Variants in SREBF2 observed in about 807,000 individuals in gnomAD.
SREBF2 encodes the protein sterol regulatory element binding transcription factor 2.
In SREBF2, 55 loss-of-function variants were observed where a neutral mutation model predicts 113.1. The observed-to-expected ratio is 0.49, with a 90% confidence interval of 0.39 to 0.61. SREBF2 has a LOEUF of 0.61. Among genes scored for constraint, SREBF2 ranks in the 20% least tolerant of loss-of-function variants. SREBF2 has a pLI of 0.00. For synonymous variants in SREBF2, 593 were observed against 605.7 expected (o/e 0.98, Z 0.31); for missense variants, 1,349 against 1,487.4 (o/e 0.91, Z 1.53).
At chr22:41,901,127 G>A (rs1387471865) in intron 16 of SREBF2, 2 of 373,148 alleles carry the variant, frequency 5.4e-6, no homozygotes, top group Non-Finnish European at 1.1e-5. Context: ...AGCCATCCCA[G>A]GAAACAGGAG....
At chr22:41,899,402 C>G in intron 15 of SREBF2, 1 of 1,002,060 alleles carries the variant, frequency 1.0e-6, no homozygotes, top group African/African-American at 1.7e-5. Context: ...GCTGACTCCC[C>G]GGCTGTTTCT....
chr22:41,840,795 C>T (rs1048230158), intron 1 of SREBF2, among the ~76,000 whole-genome samples: 4 of 152,102 alleles, frequency 2.6e-5, no homozygotes, highest in Non-Finnish European at 4.4e-5. Flanking sequence ...GTGACTGGGC[C>T]GACAGTCACT....
chr22:41,838,700 T>A (rs2076801130), intron 1 of SREBF2, among the ~76,000 whole-genome samples: 1 of 152,024 alleles, frequency 6.6e-6, no homozygotes, highest in Admixed American at 6.6e-5. Context: ...GCCACTGTAC[T>A]CCAGCCTAGG....
rs2077501522 is a variant in SREBF2, at chr22:41,905,623, TTAA to T, written c.3390_3392del (p.Lys1131del). ...TGCAACGACTGCCAGCAGATGATTG[TTAA>T]GCTGGGTGGTGGCACTGCCATTGCC... is the stretch of plus-strand genomic sequence containing the variant. On this transcript the variant is annotated inframe_deletion, in exon 19 of 19. Transcript: ENST00000361204. 3 of 1,596,966 alleles carry T rather than the reference TTAA, an allele frequency of 1.9e-6. No individual in the cohort carries two copies. The Admixed American group carries it at 5.2e-5, about 28-fold the overall frequency.
intron 15 of SREBF2, chr22:41,900,017 T>C (rs954418746): frequency 7.7e-7 from 1 of 1,290,394 alleles, no homozygotes; most frequent in Non-Finnish European, 9.9e-7. Flanking sequence ...GGCCACTTTA[T>C]AGGTAAGGAA....
intron 1 of SREBF2, among the ~76,000 whole-genome samples, chr22:41,841,537 C>A (rs1238024418): frequency 3.3e-5 from 5 of 152,230 alleles, no homozygotes; most frequent in African/African-American, 1.2e-4. Flanking sequence ...CACACCCAGG[C>A]CTTTGGCCTA....
intron 9 of SREBF2, chr22:41,878,852 G>T: frequency 4.0e-6 from 3 of 757,690 alleles, no homozygotes; most frequent in Admixed American, 2.6e-5. Context: ...CCTTGCTGGG[G>T]CTATGGGTCT....
intron 11 of SREBF2, among the ~76,000 whole-genome samples, chr22:41,889,760 G>T (rs974763256): frequency 4.0e-5 from 6 of 151,362 alleles, no homozygotes; most frequent in African/African-American, 1.2e-4. Flanking sequence ...CAGCACTTAA[G>T]GAGGCTGAGG....
intron 9 of SREBF2, among the ~76,000 whole-genome samples, chr22:41,879,620 C>A (rs988838848): frequency 2.2e-4 from 33 of 152,194 alleles, no homozygotes; most frequent in African/African-American, 8.0e-4. Flanking sequence ...ATAGAGGCAC[C>A]TTAGAGACTG....
chr22:41,874,972 C>A (rs1156808337), intron 5 of SREBF2, among the ~76,000 whole-genome samples: 1 of 151,108 alleles, frequency 6.6e-6, no homozygotes, highest in East Asian at 1.9e-4. Context: ...CATTTGTTTT[C>A]GTTAAAGTTT....
chr22:41,897,736 C>G (rs887327353), intron 14 of SREBF2, among the ~76,000 whole-genome samples: 2 of 152,180 alleles, frequency 1.3e-5, no homozygotes, highest in Non-Finnish European at 2.9e-5. Context: ...ACCAAGCTAC[C>G]GCTGGTCACT....
intron 1 of SREBF2, among the ~76,000 whole-genome samples, chr22:41,845,759 G>GA (rs1381133019): frequency 6.6e-6 from 1 of 152,208 alleles, no homozygotes; most frequent in African/African-American, 2.4e-5. Context: ...TATTTAGATA[G>GA]ATTTAGACAA....
At chr22:41,865,720 G>T (rs2077068747) in intron 1 of SREBF2, among the ~76,000 whole-genome samples, 1 of 152,158 alleles carries the variant, frequency 6.6e-6, no homozygotes, top group Non-Finnish European at 1.5e-5. Context: ...GCTAGCATGG[G>T]CCCTGGGAAG....
Position 41,833,189 on chromosome 22 carries a change from G to A in SREBF2, c.-82G>A, listed in dbSNP as rs2076728178. On this transcript the variant is annotated 5_prime_UTR_variant, in exon 1 of 19. In the 5' UTR this introduces an upstream ATG that the reference lacks. Transcript: ENST00000361204. The surrounding 1 kb of genome is among the most constrained non-coding windows in gnomAD (Gnocchi z 4.1). ...GGCGGTGCCGGGCGGGGGTTGTCGGGTGTCATGGGCGGTGGCGACGGCACC... is the reference window on the plus strand; with the variant it reads ...GGCGGTGCCGGGCGGGGGTTGTCGGATGTCATGGGCGGTGGCGACGGCACC... 3 of 1,123,896 alleles carry A rather than the reference G, an allele frequency of 2.7e-6. No homozygotes were observed. Among genetic ancestry groups the A allele is most frequent in the Middle Eastern group, 2.5e-4 (1 of 4,008 alleles). 69.6% of individuals were successfully genotyped at this position (1,123,896 alleles called of 1,614,324 possible).
intron 1 of SREBF2, among the ~76,000 whole-genome samples, chr22:41,849,452 C>A (rs1031761875): frequency 1.3e-5 from 2 of 152,150 alleles, no homozygotes; most frequent in African/African-American, 4.8e-5. Flanking sequence ...GCCTTAGCCT[C>A]CCAAAGTGCT....
rs1364426186 is a variant in SREBF2 at position 41,906,398 on chromosome 22, C to T, written c.*738C>T. ...TGTCCTGTTCCTTCCCACTCCCCGC[C>T]TCCTAGGATGTTAGCCCAAGCTCAG... On this transcript the variant is annotated 3_prime_UTR_variant, in exon 19 of 19. Coordinates refer to ENST00000361204, the MANE Select transcript of SREBF2 (RefSeq NM_004599.4). The T allele has an allele frequency of 5.3e-6, 1 of 187,204 alleles. No individual in the cohort carries two copies. The highest frequency in any genetic ancestry group is 1.1e-5 in the Non-Finnish European group (1 of 89,092). The allele number at this position is 187,204 out of a possible 1,614,324, so 11.6% of individuals were successfully genotyped here. A position where few individuals can be genotyped will look rare whatever the true frequency, so the allele number is the denominator to read the frequency against.
chr22:41,888,855 C>G (rs77747949), intron 11 of SREBF2, among the ~76,000 whole-genome samples: 602 of 152,302 alleles, frequency 4.0e-3, no homozygotes, highest in Non-Finnish European at 6.6e-3. Context: ...AAAGTAACTG[C>G]TCTTCTCTGT....
At chr22:41,848,171 T>C (rs1366119205) in intron 1 of SREBF2, among the ~76,000 whole-genome samples, 1 of 152,144 alleles carries the variant, frequency 6.6e-6, no homozygotes, top group Non-Finnish European at 1.5e-5. Flanking sequence ...TACATATGTA[T>C]ACATGTGCAG....
chr22:41,863,439 G>C (rs1259127511), intron 1 of SREBF2, among the ~76,000 whole-genome samples: 2 of 152,196 alleles, frequency 1.3e-5, no homozygotes. Context: ...ACAGAGTTGG[G>C]ATTTTGGGGG....
Sources: gnomAD v4.1 joint callset for allele counts (sites outside exome capture counted in the v4.1 genomes callset) on GRCh38, gnomAD v4.1.1 for gene constraint, Gnocchi (gnomAD v3.1) non-coding constraint, MANE v1.5 for transcripts, NCBI Gene and HGNC (gene_info 2026-07-23, HGNC 2026-07-21) for gene names.